Variants in PLXNA4 observed in about 807,000 individuals in gnomAD.
PLXNA4 encodes plexin-A4.
A neutral mutation model predicts 191.8 loss-of-function variants in PLXNA4; 44 were observed. The ratio of observed to expected loss-of-function variants is 0.23; its 90% CI spans 0.18 to 0.29. PLXNA4 has a LOEUF of 0.29. Among genes scored for constraint, PLXNA4 ranks in the 10% least tolerant of loss-of-function variants. The pLI is 1.00. For synonymous variants in PLXNA4, 1,082 were observed against 1,009.5 expected, an observed-to-expected ratio of 1.07 and a Z score of -1.36; for missense variants, 1,800 against 2,488.8, an observed-to-expected ratio of 0.72 and a Z score of 5.89.
At chr7:132,314,991 A>T (rs988545205) in intron 3 of PLXNA4, among the ~76,000 whole-genome samples, 1 of 152,260 alleles carries the variant, frequency 6.6e-6, no homozygotes, top group Non-Finnish European at 1.5e-5. Flanking sequence ...CACTCCATAA[A>T]TAAAAGTGTC....
At chr7:132,159,196 C>G (rs913083172) in intron 25 of PLXNA4, among the ~76,000 whole-genome samples, 4 of 152,172 alleles carry the variant, frequency 2.6e-5, no homozygotes, top group Admixed American at 6.5e-5. Flanking sequence ...TCAAAGGACC[C>G]CAGAGGCATG....
chr7:132,318,271 C>A (rs74434513), intron 3 of PLXNA4, among the ~76,000 whole-genome samples: 2,842 of 152,290 alleles, frequency 0.019, 81 homozygotes, highest in African/African-American at 0.064. Flanking sequence ...CACCAGAGAT[C>A]ACACCAGGGT....
chr7:132,163,241 G>A lies in PLXNA4; in HGVS notation c.4500+901C>T, dbSNP rs1796002723. ...AGCTCCCTGGGTTTGAAAGGACAGT[G>A]AGCAGCGAGTGGACGCACGGTGACA... On this transcript the variant is annotated intron_variant, in intron 24 of 31. Coordinates refer to ENST00000321063, the MANE Select transcript of PLXNA4 (RefSeq NM_020911.2). Among the ~76,000 whole-genome samples, 3 of 152,220 alleles carry A rather than the reference G, an allele frequency of 2.0e-5. No homozygotes were observed. In the South Asian group the frequency reaches 6.2e-4, roughly 31 times the overall value.
chr7:132,223,751 C>A, intron 8 of PLXNA4, 110 bp from the exon 9 acceptor site: 1 of 796,604 alleles, frequency 1.3e-6, no homozygotes, highest in Non-Finnish European at 2.1e-6. Context: ...GAGAAACCAC[C>A]GTTGAATGTG....
rs145315455 is a variant in PLXNA4, at chr7:132,181,999, G to T, written c.3252+98C>A. 2.5e-5 allele frequency: 39 copies of T among 1,575,550 alleles called. No individual in the cohort carries two copies. The Middle Eastern group carries it at 8.9e-4, about 36-fold the overall frequency. The stretch of plus-strand genomic sequence containing the variant: ...CAGGCTGTGGGTTATCAGTGTATGG[G>T]CAGGGAGTTACCTCAGTACTTGGGA... On this transcript the variant is annotated intron_variant, in intron 17 of 31. Transcript: ENST00000321063.
At chr7:132,206,297 G>A (rs1347424954) in intron 10 of PLXNA4, among the ~76,000 whole-genome samples, 1 of 152,122 alleles carries the variant, frequency 6.6e-6, no homozygotes, top group Non-Finnish European at 1.5e-5. Flanking sequence ...ATGCAGTTGG[G>A]GATGCTATGC....
rs563549462 is a variant in PLXNA4 at position 132,127,964 on chromosome 7, C to CTTGT, written c.*2511_*2514dup. ...AAGTCTTTTTTCTTTTTTTTTTCTG[C>CTTGT]TTGTTTGATTTTTTCTCTTAACTGT... On this transcript the variant is annotated 3_prime_UTR_variant, in exon 32 of 32. Coordinates refer to ENST00000321063, the MANE Select transcript of PLXNA4 (RefSeq NM_020911.2). 198 of 98,220 alleles carry CTTGT rather than the reference C, an allele frequency of 2.0e-3. 1 individual carries two copies. Among genetic ancestry groups the CTTGT allele is most frequent in the South Asian group, 0.016 (53 of 3,266 alleles). 6.1% of individuals were successfully genotyped at this position (98,220 alleles called of 1,614,324 possible). A position where few individuals can be genotyped will look rare whatever the true frequency, so the allele number is the denominator to read the frequency against.
Position 132,168,482 on chromosome 7 carries a change from G to A in PLXNA4, c.4108C>T (p.Arg1370Cys), listed in dbSNP as rs1246497878. 12 of 1,613,898 alleles carry A rather than the reference G, an allele frequency of 7.4e-6. No individual in the cohort carries two copies. Among genetic ancestry groups the A allele is most frequent in the South Asian group, 4.4e-5 (4 of 91,060 alleles). Residue 1370 changes from arginine (R) to cysteine (C), a missense_variant, in exon 22 of 32, where the codon CGC becomes TGC. Arg to Cys is a radical substitution (Grantham distance 180). Coordinates refer to ENST00000321063, the MANE Select transcript of PLXNA4 (RefSeq NM_020911.2). ...NNKVFLLSFIRTLESQRSFSM... is the reference protein window; with the variant it reads ...NNKVFLLSFICTLESQRSFSM... ...AAGCTACGCTGGGACTCAAGCGTGC[G>A]GATGAAGGACAGCAGGAACACCTTG...
intron 31 of PLXNA4, among the ~76,000 whole-genome samples, chr7:132,131,917 C>T (rs2116494652): frequency 6.6e-6 from 1 of 152,344 alleles, no homozygotes; most frequent in Admixed American, 6.5e-5. Flanking sequence ...GACTCCAGGC[C>T]TTGGGCCTGC....
At chr7:132,411,893 A>C (rs185543006) in intron 3 of PLXNA4, among the ~76,000 whole-genome samples, 8 of 152,278 alleles carry the variant, frequency 5.3e-5, no homozygotes, top group Admixed American at 2.6e-4. Flanking sequence ...ACATCCCTGA[A>C]TGCTCTGACC....
chr7:132,576,516 TGCGTGTGCGC>T (rs1444823316), upstream of PLXNA4: 2 of 985,774 alleles, frequency 2.0e-6, no homozygotes, highest in African/African-American at 3.5e-5. This position sits in a 1 kb window ranked among gnomAD's most constrained non-coding sequence, Gnocchi z 5.8. Flanking sequence ...TCTGAACGTG[TGCGTGTGCGC>T]GCGTGTGGCT....
intron 3 of PLXNA4, among the ~76,000 whole-genome samples, chr7:132,423,402 G>A (rs1794919924): frequency 6.6e-6 from 1 of 152,120 alleles, no homozygotes; most frequent in Admixed American, 6.5e-5. Context: ...CTCCCTCAGG[G>A]CTCCAAACAA....
chr7:132,623,556 G>T (rs941795199), intron 2 of PLXNA4, among the ~76,000 whole-genome samples: 1 of 152,112 alleles, frequency 6.6e-6, no homozygotes, highest in Admixed American at 6.6e-5. Context: ...AGACTATCCA[G>T]CTCCTTCCAC....
intron 2 of PLXNA4, among the ~76,000 whole-genome samples, chr7:132,612,164 C>T (rs551242237): frequency 5.9e-5 from 9 of 152,294 alleles, no homozygotes; most frequent in East Asian, 1.9e-4. Flanking sequence ...AGCACATGTC[C>T]GCTTACATCT....
chr7:132,133,185 A>C lies in PLXNA4; in HGVS notation c.5453T>G (p.Ile1818Arg). ...GTCGCTGATGGCTGGCATCTTCCCT[A>C]TGTCTGAGTAATACCTGTGGAGGGA... The part of the protein sequence containing the change: ...KNWVERYYSD[I>R]GKMPAISDQD... The change falls in exon 31 of 32, where the codon ATA becomes AGA. Residue 1818 changes from isoleucine (I) to arginine (R), a missense_variant. Transcript: ENST00000321063. The C allele has an allele frequency of 6.2e-7, 1 of 1,614,078 alleles. No individual in the cohort carries two copies. The highest frequency in any genetic ancestry group is 1.1e-5 in the South Asian group (1 of 91,082).
At chr7:132,388,939 C>T (rs1563072153) in intron 3 of PLXNA4, among the ~76,000 whole-genome samples, 2 of 152,240 alleles carry the variant, frequency 1.3e-5, no homozygotes, top group South Asian at 4.1e-4. Context: ...ACTGGCAGCT[C>T]AGAGCAGAGG....
intron 25 of PLXNA4, among the ~76,000 whole-genome samples, chr7:132,149,281 T>C (rs898661590): frequency 5.3e-5 from 8 of 152,204 alleles, no homozygotes; most frequent in Non-Finnish European, 7.3e-5. Context: ...CACCTAATTG[T>C]TTGATGTTAC....
chr7:132,524,685 C>T (rs924658210), intron 1 of PLXNA4, among the ~76,000 whole-genome samples: 2 of 152,134 alleles, frequency 1.3e-5, no homozygotes, highest in African/African-American at 4.8e-5. Flanking sequence ...ATGCCATTCT[C>T]CTGCCTCAGC....
intron 1 of PLXNA4, among the ~76,000 whole-genome samples, chr7:132,524,071 G>A (rs1056394747): frequency 2.0e-5 from 3 of 152,098 alleles, no homozygotes; most frequent in African/African-American, 7.2e-5. Flanking sequence ...CTTATTCTCT[G>A]GAAGACAAGC....
Sources: allele counts gnomAD v4.1 joint callset (sites outside exome capture counted in the v4.1 genomes callset), GRCh38; gene constraint gnomAD v4.1.1; non-coding constraint Gnocchi (gnomAD v3.1); transcripts MANE v1.5; gene names NCBI Gene and HGNC (gene_info 2026-07-23, HGNC 2026-07-21).